The following ZNF626 variants were observed in gnomAD, a reference collection of about 807,000 sequenced individuals.
ZNF626 encodes the protein zinc finger protein 626.
A neutral mutation model predicts 11.7 loss-of-function variants in ZNF626; 4 were observed. The ratio of observed to expected loss-of-function variants is 0.34; its 90% CI spans 0.17 to 0.78. The LOEUF is 0.78. Among genes scored for constraint, ZNF626 ranks in the 30% least tolerant of loss-of-function variants. The probability of loss-of-function intolerance (pLI) is 0.57; values close to 1 mark genes in which losing one functional copy is unlikely to be tolerated. For synonymous variants in ZNF626, 179 were observed against 198.6 expected, an observed-to-expected ratio of 0.90 and a Z score of 0.83; for missense variants, 588 against 587.1, an observed-to-expected ratio of 1.00 and a Z score of -0.01.
chr19:20,625,599 T>A lies in ZNF626; in HGVS notation c.278A>T (p.Asp93Val), dbSNP rs1407342957. ...TCTCAGTACCACTTTTTGGAAAGAATCTTTCATGCTCTGCTCTGGCCAAAG... is the reference window on the plus strand; with the variant it reads ...TCTCAGTACCACTTTTTGGAAAGAAACTTTCATGCTCTGCTCTGGCCAAAG... The part of the protein sequence containing the change: ...QDLWPEQSMK[D>V]SFQKVVLRRY... The change falls in exon 4 of 4, where the codon GAT (aspartate) becomes GTT (valine). Residue 93 changes from aspartate (D) to valine (V), a missense_variant. Physicochemically the swap from Asp to Val is radical, Grantham distance 152. Coordinates refer to ENST00000601440, the MANE Select transcript of ZNF626 (RefSeq NM_001076675.3). 2.5e-6 allele frequency: 4 copies of A among 1,594,674 alleles called. No individual in the cohort carries two copies. The highest frequency in any genetic ancestry group is 1.7e-5 in the Admixed American group (1 of 57,634).
At chr19:20,647,533 C>G (rs1970094797) in intron 1 of ZNF626, among the ~76,000 whole-genome samples, 1 of 140,680 alleles carries the variant, frequency 7.1e-6, no homozygotes, top group Non-Finnish European at 1.5e-5. Flanking sequence ...GTCGCCCAGG[C>G]TGGAGTGCAG....
At chr19:20,626,562 A>G (rs1969835547) in intron 3 of ZNF626, among the ~76,000 whole-genome samples, 1 of 152,108 alleles carries the variant, frequency 6.6e-6, no homozygotes, top group African/African-American at 2.4e-5. Context: ...TACTAAAAAT[A>G]CAAAAACTAG....
intron 1 of ZNF626, among the ~76,000 whole-genome samples, chr19:20,648,546 T>G (rs934159328): frequency 2.6e-4 from 39 of 150,360 alleles, no homozygotes; most frequent in African/African-American, 9.1e-4. Context: ...CCAGCAAATT[T>G]TTTGTATTTT....
Position 20,624,121 on chromosome 19 carries a change from AATCTC to A in ZNF626, c.*164_*168del. 8.8e-7 allele frequency: 1 copy of A among 1,138,114 alleles called. No homozygotes were observed. The highest frequency in any genetic ancestry group is 1.3e-6 in the Non-Finnish European group (1 of 749,650). The allele number at this position is 1,138,114 out of a possible 1,614,324, so 70.5% of individuals were successfully genotyped here. A position where few individuals can be genotyped will look rare whatever the true frequency, so the allele number is the denominator to read the frequency against. On this transcript the variant is annotated 3_prime_UTR_variant, in exon 4 of 4. Coordinates refer to ENST00000601440, the MANE Select transcript of ZNF626 (RefSeq NM_001076675.3). ...TCTGTAGGGTTTCTCTCCAGTATGA[AATCTC>A]TTATGTGTAGTAAGTTTAGAGGAGT...
chr19:20,627,198 G>C (rs546641657), intron 3 of ZNF626, among the ~76,000 whole-genome samples: 325 of 152,144 alleles, frequency 2.1e-3, no homozygotes, highest in Non-Finnish European at 3.4e-3. Flanking sequence ...ATGTAAACAT[G>C]AAAAAGCTGA....
At chr19:20,647,304 A>G (rs1970090433) in intron 1 of ZNF626, among the ~76,000 whole-genome samples, 1 of 152,002 alleles carries the variant, frequency 6.6e-6, no homozygotes, top group Admixed American at 6.6e-5. Flanking sequence ...CATGTGTAGA[A>G]AAAAAAATAA....
Position 20,621,916 on chromosome 19 carries a change from T to C in ZNF626, c.*2374A>G, listed in dbSNP as rs1006685181. On this transcript the variant is annotated 3_prime_UTR_variant, in exon 4 of 4. Transcript: ENST00000601440. ...ATAAAATAAAATTAGGCTGGACATA[T>C]TGGCTCACACCTATAATCCCAACAC... 3 of 152,178 alleles carry C rather than the reference T, an allele frequency of 2.0e-5. No individual in the cohort carries two copies. The highest frequency in any genetic ancestry group is 4.8e-5 in the African/African-American group (2 of 41,456). 9.4% of individuals were successfully genotyped at this position (152,178 alleles called of 1,614,324 possible).
At chr19:20,629,632 T>C (rs1404601703) in intron 3 of ZNF626, among the ~76,000 whole-genome samples, 3 of 152,330 alleles carry the variant, frequency 2.0e-5, no homozygotes, top group African/African-American at 4.8e-5. Flanking sequence ...TGATTTTGTA[T>C]CCTGAGACTT....
At chr19:20,642,182 G>A (rs1264653900) in intron 3 of ZNF626, among the ~76,000 whole-genome samples, 1 of 152,182 alleles carries the variant, frequency 6.6e-6, no homozygotes, top group Admixed American at 6.5e-5. Context: ...ATCTGATTGT[G>A]ATAGACACGT....
chr19:20,620,498 A>G lies in ZNF626; in HGVS notation c.*3792T>C, dbSNP rs1969745204. On this transcript the variant is annotated 3_prime_UTR_variant, in exon 4 of 4. Coordinates refer to ENST00000601440, the MANE Select transcript of ZNF626 (RefSeq NM_001076675.3). The stretch of plus-strand genomic sequence containing the variant: ...TTACGTTTGCAGGCAGAGTGACCAC[A>G]TGTTCAAAGAAACTATATAACAAAT... 6.6e-6 allele frequency: 1 copy of G among 152,218 alleles called. No individual in the cohort carries two copies. The highest frequency in any genetic ancestry group is 6.5e-5 in the Admixed American group (1 of 15,288). The allele number at this position is 152,218 out of a possible 1,614,324, so 9.4% of individuals were successfully genotyped here.
intron 3 of ZNF626, among the ~76,000 whole-genome samples, chr19:20,636,213 C>T (rs1449110012): frequency 1.3e-5 from 2 of 152,064 alleles, no homozygotes; most frequent in South Asian, 2.1e-4. Flanking sequence ...CACAAAGCTA[C>T]AGGGATAATA....
At chr19:20,627,187 G>T (rs1051220511) in intron 3 of ZNF626, among the ~76,000 whole-genome samples, 1 of 152,016 alleles carries the variant, frequency 6.6e-6, no homozygotes, top group Non-Finnish European at 1.5e-5. Context: ...AAGGAAAAAT[G>T]ATGTAAACAT....
At chr19:20,642,609 C>G (rs1346225123) in intron 3 of ZNF626, among the ~76,000 whole-genome samples, 2 of 149,660 alleles carry the variant, frequency 1.3e-5, no homozygotes, top group Non-Finnish European at 3.0e-5. Flanking sequence ...ACAACAACAA[C>G]AGCAGCAACA....
rs374319755 is a variant in ZNF626 at position 20,650,046 on chromosome 19, C to T, written c.4-3641G>A. 9.2e-5 allele frequency among the ~76,000 whole-genome samples: 14 copies of T among 152,254 alleles called. No homozygotes were observed. The East Asian group carries it at 1.5e-3, about 17-fold the overall frequency. ...GGATTTAAAAAACAACATGTACACACGTACTAATGCAATGTTTATTAAGCA... is the reference window on the plus strand; with the variant it reads ...GGATTTAAAAAACAACATGTACACATGTACTAATGCAATGTTTATTAAGCA... On this transcript the variant is annotated intron_variant, in intron 1 of 3. Coordinates refer to ENST00000601440, the MANE Select transcript of ZNF626 (RefSeq NM_001076675.3).
chr19:20,659,116 G>C (rs1599489963), intron 1 of ZNF626, among the ~76,000 whole-genome samples: 1 of 151,424 alleles, frequency 6.6e-6, no homozygotes, highest in African/African-American at 2.4e-5. Context: ...GGAAAGAAAC[G>C]CCTTTCTCAT....
chr19:20,621,394 T>C lies in ZNF626; in HGVS notation c.*2896A>G, dbSNP rs541884773. ...ACGTCGCCTACCAAAGTGCTGGGAT[T>C]ACAGGCATGAGCCACTGCGTCCAGC... On this transcript the variant is annotated 3_prime_UTR_variant, in exon 4 of 4. Coordinates refer to ENST00000601440, the MANE Select transcript of ZNF626 (RefSeq NM_001076675.3). 2 of 152,286 alleles carry C rather than the reference T, an allele frequency of 1.3e-5. No homozygotes were observed. Among genetic ancestry groups the C allele is most frequent in the African/African-American group, 4.8e-5 (2 of 41,570 alleles). The allele number at this position is 152,286 out of a possible 1,614,324, so 9.4% of individuals were successfully genotyped here.
In ZNF626 at chr19:20,624,286, T is replaced by C. The variant is rs782210948; in HGVS notation, c.*4A>G. ...ACATTTGTAGAATTTCTCTCCAGTA[T>C]GAATTATCTTATGTGTAGTAAGGTG... On this transcript the variant is annotated 3_prime_UTR_variant, in exon 4 of 4. Coordinates refer to ENST00000601440, the MANE Select transcript of ZNF626 (RefSeq NM_001076675.3). 2.5e-6 allele frequency: 4 copies of C among 1,613,912 alleles called. No individual in the cohort carries two copies. In the Admixed American group the frequency reaches 6.7e-5, roughly 27 times the overall value.
At chr19:20,625,681 A>C (rs782227879) in intron 3 of ZNF626, 31 bp from the exon 4 acceptor site, 1 of 1,508,506 alleles carries the variant, frequency 6.6e-7, no homozygotes, top group Non-Finnish European at 8.8e-7. Flanking sequence ...ACATTACTTC[A>C]ATTGGTAGAC....
intron 1 of ZNF626, among the ~76,000 whole-genome samples, chr19:20,656,063 A>G (rs1970201945): frequency 6.6e-6 from 1 of 152,186 alleles, no homozygotes; most frequent in Non-Finnish European, 1.5e-5. Context: ...GAAAAACCAG[A>G]AGAGAGAAAG....
Sources: allele counts gnomAD v4.1 joint callset (sites outside exome capture counted in the v4.1 genomes callset), GRCh38; gene constraint gnomAD v4.1.1; transcripts MANE v1.5; gene names NCBI Gene and HGNC (gene_info 2026-07-23, HGNC 2026-07-21).